ETV7: variants seen among roughly 807,000 people sequenced by gnomAD.
The protein encoded by ETV7 is transcription factor ETV7.
ETV7 carries 43 observed loss-of-function variants against 39.1 expected under a neutral mutation model. That is an observed-to-expected ratio of 1.10 (90% CI 0.86 to 1.42). ETV7 has a LOEUF of 1.42. Ranked by LOEUF, ETV7 falls within the 40% of genes most tolerant of loss-of-function variation. The probability of loss-of-function intolerance (pLI) is 0.00; values close to 1 mark genes in which losing one functional copy is unlikely to be tolerated. For missense variants in ETV7, 432 were observed against 442.3 expected, an observed-to-expected ratio of 0.98 and a Z score of 0.21; for synonymous variants, 196 against 176.6, an observed-to-expected ratio of 1.11 and a Z score of -0.87.
intron 1 of ETV7, 31 bp from the exon 2 acceptor site, chr6:36,385,700 A>C (rs368593810): frequency 1.3e-6 from 2 of 1,571,910 alleles, no homozygotes; most frequent in Non-Finnish European, 1.7e-6. Flanking sequence ...ACAGTCAAAG[A>C]AGAGCATCTT....
intron 7 of ETV7, among the ~76,000 whole-genome samples, chr6:36,356,961 A>T (rs974064434): frequency 6.6e-6 from 1 of 152,256 alleles, no homozygotes; most frequent in African/African-American, 2.4e-5. Flanking sequence ...GTTCTATGCC[A>T]TAACGCAAAG....
chr6:36,360,478 G>A (rs752435881), intron 7 of ETV7, among the ~76,000 whole-genome samples: 2 of 152,002 alleles, frequency 1.3e-5, no homozygotes, highest in Non-Finnish European at 2.9e-5. Context: ...CCCCACCCCT[G>A]CTACTTACTT....
chr6:36,367,558 G>A (rs1206227429), intron 6 of ETV7, among the ~76,000 whole-genome samples: 1 of 152,186 alleles, frequency 6.6e-6, no homozygotes, highest in East Asian at 1.9e-4. Flanking sequence ...TGAACTGCAT[G>A]TTACTTTTAA....
chr6:36,370,585 G>A (rs1014480699), intron 5 of ETV7, among the ~76,000 whole-genome samples: 4 of 151,972 alleles, frequency 2.6e-5, no homozygotes, highest in Non-Finnish European at 5.9e-5. Context: ...GTACTATGCT[G>A]AGTACCTTGG....
intron 2 of ETV7, among the ~76,000 whole-genome samples, chr6:36,385,279 C>T (rs1773839640): frequency 6.6e-6 from 1 of 152,082 alleles, no homozygotes; most frequent in African/African-American, 2.4e-5. Flanking sequence ...AGTTCAAGAC[C>T]AACCTGGGCA....
chr6:36,369,112 T>G (rs200469691), intron 5 of ETV7, 41 bp from the exon 6 acceptor site: 37 of 1,611,558 alleles, frequency 2.3e-5, no homozygotes, highest in Non-Finnish European at 3.0e-5. Flanking sequence ...GCAGCTTTAC[T>G]GGAGCTGTGA....
exon 8 of ETV7, chr6:36,354,453 A>G: frequency 2.1e-6 from 1 of 468,828 alleles, no homozygotes; most frequent in Non-Finnish European, 3.8e-6. Flanking sequence ...TAAGGGGACA[A>G]CTTTATTCTT....
At chr6:36,375,796 G>A (rs2234078) in intron 3 of ETV7, 75 bp downstream of exon 3, 9 of 1,605,420 alleles carry the variant, frequency 5.6e-6, no homozygotes, top group East Asian at 2.2e-5. Context: ...CCCTCCCTGG[G>A]CCCCCCGGGG....
At chr6:36,358,263 C>T (rs1561896707) in intron 7 of ETV7, among the ~76,000 whole-genome samples, 1 of 152,198 alleles carries the variant, frequency 6.6e-6, no homozygotes, top group African/African-American at 2.4e-5. Flanking sequence ...GTCAGAAAGG[C>T]ACTTCATCTT....
At chr6:36,375,263 A>G (rs1773260601) in intron 3 of ETV7, among the ~76,000 whole-genome samples, 1 of 152,112 alleles carries the variant, frequency 6.6e-6, no homozygotes, top group South Asian at 2.1e-4. Context: ...CAAACAAAAG[A>G]GCCACTGAAA....
At chr6:36,376,176 T>G in intron 2 of ETV7, 141 bp from the exon 3 acceptor site, 1 of 683,610 alleles carries the variant, frequency 1.5e-6, no homozygotes, top group Non-Finnish European at 2.4e-6. Flanking sequence ...CCTGTTTCTT[T>G]CCTTCCTAGC....
At chr6:36,379,514 C>T (rs1241326780) in intron 2 of ETV7, among the ~76,000 whole-genome samples, 3 of 150,906 alleles carry the variant, frequency 2.0e-5, no homozygotes, top group Non-Finnish European at 4.4e-5. Flanking sequence ...TGCCACTGCA[C>T]TCCAGCCTGG....
intron 5 of ETV7, among the ~76,000 whole-genome samples, 170 bp from the exon 6 acceptor site, chr6:36,369,241 T>C (rs1772884097): frequency 6.6e-6 from 1 of 152,192 alleles, no homozygotes; most frequent in Non-Finnish European, 1.5e-5. Flanking sequence ...CCTCACGCAT[T>C]GTCTCAGGCA....
chr6:36,371,205 C>T (rs1358800553), intron 5 of ETV7, 125 bp downstream of exon 5: 2 of 959,292 alleles, frequency 2.1e-6, no homozygotes, highest in Non-Finnish European at 3.2e-6. Context: ...GTCAACGCTA[C>T]CCTGCAATCC....
intron 6 of ETV7, among the ~76,000 whole-genome samples, chr6:36,368,202 C>T (rs150802436): frequency 3.9e-5 from 6 of 152,326 alleles, no homozygotes; most frequent in Non-Finnish European, 8.8e-5. Context: ...ACCTACTTCA[C>T]GAGCTTGGTA....
At chr6:36,364,748 G>A (rs952241512), downstream of ETV7, among the ~76,000 whole-genome samples, 1 of 152,218 alleles carries the variant, frequency 6.6e-6, no homozygotes, top group Non-Finnish European at 1.5e-5. Context: ...AGGAGGTGCC[G>A]AGAGCGAGCG....
rs181555790 is a variant in ETV7 at position 36,375,803 on chromosome 6, G to A, written c.307+68C>T. On this transcript the variant is annotated intron_variant, in intron 3 of 7. Transcript: ENST00000340181. ...CTCCATCTCCCTCCCTGGGCCCCCC[G>A]GGGGTACTTGGGCCATCCTGGCCTA... 691 of 1,608,604 alleles carry A rather than the reference G, an allele frequency of 4.3e-4. 2 individuals carry two copies. Among genetic ancestry groups the A allele is most frequent in the African/African-American group, 1.2e-3 (93 of 75,004 alleles).
At position 36,371,480 on chromosome 6, in the gene ETV7, C is replaced by T. The variant is rs146070923; in HGVS notation, c.514G>A (p.Gly172Ser). ...PPDPGLTSNFGHLDDPGLARW... is the reference protein window; with the variant it reads ...PPDPGLTSNFSHLDDPGLARW... ...GCCAGGCCAGGGTCATCCAGGTGGC[C>T]GAAGTTGCTGGTAAGCCCTGGGTCT... The change falls in exon 5 of 8, where the codon GGC becomes AGC. Residue 172 changes from glycine (G) to serine (S), a missense_variant. Physicochemically the swap from Gly to Ser is moderately conservative, Grantham distance 56 (BLOSUM62 0). Transcript: ENST00000340181. 6 of 1,604,170 alleles carry T rather than the reference C, an allele frequency of 3.7e-6. No individual in the cohort carries two copies. Among genetic ancestry groups the T allele is most frequent in the Admixed American group, 3.4e-5 (2 of 58,820 alleles).
Position 36,366,745 on chromosome 6 carries a change from C to T in ETV7, c.926G>A (p.Gly309Glu), listed in dbSNP as rs1389356278. The T allele has an allele frequency of 1.2e-6, 2 of 1,614,072 alleles. No individual in the cohort carries two copies. The highest frequency in any genetic ancestry group is 1.1e-5 in the South Asian group (1 of 91,088). The change falls in exon 8 of 8, where the codon GGA becomes GAA. Residue 309 changes from glycine to glutamate, a missense_variant. Physicochemically the swap from Gly to Glu is moderately conservative, Grantham distance 98 (BLOSUM62 -2). Coordinates refer to ENST00000340181, the MANE Select transcript of ETV7 (RefSeq NM_016135.4). ...KLLFRFLKTPGKMVQDKHSHL... is the reference protein window; with the variant it reads ...KLLFRFLKTPEKMVQDKHSHL... The stretch of plus-strand genomic sequence containing the variant: ...GCTGTGCTTGTCCTGGACCATCTTT[C>T]CCGGAGTCTTTAGAAATCTAGAATT...
Sources: gnomAD v4.1 joint callset for allele counts (sites outside exome capture counted in the v4.1 genomes callset) on GRCh38, gnomAD v4.1.1 for gene constraint, MANE v1.5 for transcripts, NCBI Gene and HGNC (gene_info 2026-07-23, HGNC 2026-07-21) for gene names.